The following RNPC3 variants were observed in gnomAD, a reference collection of about 807,000 sequenced individuals.
RNPC3 encodes RNA binding region (RNP1, RRM) containing 3.
Under a neutral mutation model 67.5 loss-of-function variants are expected in RNPC3, and 48 were observed. That is an observed-to-expected ratio of 0.71 (90% CI 0.56 to 0.90). The LOEUF is 0.90. Among genes scored for constraint, RNPC3 ranks in the 40% least tolerant of loss-of-function variants. The pLI, the probability that RNPC3 is intolerant of heterozygous loss-of-function variation, is 0.00. For missense variants in RNPC3, 637 were observed against 626.1 expected, an observed-to-expected ratio of 1.02 and a Z score of -0.19; for synonymous variants, 239 against 210.3, an observed-to-expected ratio of 1.14 and a Z score of -1.18.
intron 1 of RNPC3, among the ~76,000 whole-genome samples, chr1:103,526,496 G>A (rs1039156858): frequency 6.6e-6 from 1 of 152,194 alleles, no homozygotes; most frequent in African/African-American, 2.4e-5. Context: ...GAACGACAAA[G>A]CAGAAGAATG....
At chr1:103,549,261 G>A (rs1456835069) in intron 12 of RNPC3, among the ~76,000 whole-genome samples, 1 of 152,186 alleles carries the variant, frequency 6.6e-6, no homozygotes, top group Non-Finnish European at 1.5e-5. Flanking sequence ...GCTTTTGAGT[G>A]CAGATAAAAT....
intron 2 of RNPC3, among the ~76,000 whole-genome samples, chr1:103,532,839 G>A (rs1374866577): frequency 6.6e-6 from 1 of 152,086 alleles, no homozygotes; most frequent in Non-Finnish European, 1.5e-5. Flanking sequence ...AGCAGTCTCA[G>A]TAAACTTATT....
intron 14 of RNPC3, chr1:103,552,625 T>G (rs1651421858): frequency 6.6e-6 from 1 of 152,154 alleles, no homozygotes; most frequent in African/African-American, 2.4e-5. Context: ...CTGGGTGTGG[T>G]GGCGCCTACC....
intron 7 of RNPC3, among the ~76,000 whole-genome samples, chr1:103,538,314 A>C (rs1286727935): frequency 2.0e-5 from 3 of 152,138 alleles, no homozygotes; most frequent in Non-Finnish European, 1.5e-5. Flanking sequence ...TCTGTTCAGC[A>C]CTACCTTTTT....
At chr1:103,541,225 G>A (rs546416590) in intron 7 of RNPC3, 125 bp from the exon 8 acceptor site, 56 of 620,732 alleles carry the variant, frequency 9.0e-5, no homozygotes, top group Non-Finnish European at 1.3e-4. Context: ...TATATTTGAT[G>A]TAAGTAAATC....
chr1:103,551,994 G>T (rs1431537341), intron 14 of RNPC3: 10 of 387,114 alleles, frequency 2.6e-5, no homozygotes, highest in Non-Finnish European at 3.2e-5. Flanking sequence ...TAAGTTTGGA[G>T]AATGAATCTT....
chr1:103,537,442 A>G lies in RNPC3; in HGVS notation c.725A>G (p.Glu242Gly). Residue 242 changes from glutamate (E) to glycine (G), a missense_variant, in exon 7 of 15, where the codon GAA becomes GGA. This residue lies in a region of RNPC3 where 536 missense variants were observed against 500.3 expected (regional missense o/e 1.07). Coordinates refer to ENST00000423855, the MANE Select transcript of RNPC3 (RefSeq NM_017619.4). ...GACGAGGATGAGGAATTATCTAGTG[A>G]AGAATCAGAATATGAAAGCACTGAT... is the stretch of plus-strand genomic sequence containing the variant. ...LPDEDEELSS[E>G]ESEYESTDDE... 2 of 1,536,870 alleles carry G rather than the reference A, an allele frequency of 1.3e-6. No homozygotes were observed. The highest frequency in any genetic ancestry group is 8.7e-7 in the Non-Finnish European group (1 of 1,146,688).
intron 2 of RNPC3, 87 bp from the exon 3 acceptor site, chr1:103,533,650 CAA>C (rs61717825): frequency 0.087 from 50,565 of 581,342 alleles, 3 homozygotes; most frequent in Middle Eastern, 0.13. Context: ...ACAGCATTAG[CAA>C]AAAAAAAAAA....
intron 12 of RNPC3, among the ~76,000 whole-genome samples, chr1:103,549,130 A>G (rs1651319012): frequency 6.6e-6 from 1 of 152,178 alleles, no homozygotes; most frequent in Non-Finnish European, 1.5e-5. Context: ...GAGCCAAACC[A>G]TATCAGCTAA....
At chr1:103,534,062 G>A (rs1449741087) in intron 3 of RNPC3, among the ~76,000 whole-genome samples, 1 of 151,878 alleles carries the variant, frequency 6.6e-6, no homozygotes, top group East Asian at 1.9e-4. Flanking sequence ...TAATATTATG[G>A]GTTAATCATT....
At position 103,537,309 on chromosome 1, in the gene RNPC3, G is replaced by T. The variant is rs772555074; in HGVS notation, c.625-33G>T. On this transcript the variant is annotated intron_variant, in intron 6 of 14. Coordinates refer to ENST00000423855, the MANE Select transcript of RNPC3 (RefSeq NM_017619.4). ...GTTTGTTCTATAAATATTTTGGACT[G>T]CCATAGTATTTTTGTTTTATTCTTT... The T allele has an allele frequency of 2.7e-6, 4 of 1,455,320 alleles. No homozygotes were observed. The Middle Eastern group carries it at 7.3e-4, about 265-fold the overall frequency. The allele number at this position is 1,455,320 out of a possible 1,614,324, so 90.2% of individuals were successfully genotyped here.
chr1:103,553,613 T>G (rs1651453073), intron 14 of RNPC3: 2 of 152,238 alleles, frequency 1.3e-5, no homozygotes, highest in South Asian at 4.1e-4. Flanking sequence ...CAGTCTTGTT[T>G]CTTCTATTTG....
intron 14 of RNPC3, 120 bp downstream of exon 14, chr1:103,551,912 T>A: frequency 1.7e-6 from 1 of 572,330 alleles, no homozygotes; most frequent in Non-Finnish European, 3.0e-6. Flanking sequence ...AGGAAATACC[T>A]ATCTGTGCAG....
chr1:103,540,206 T>C (rs1651091752), intron 7 of RNPC3, among the ~76,000 whole-genome samples: 1 of 152,220 alleles, frequency 6.6e-6, no homozygotes, highest in Admixed American at 6.5e-5. Context: ...ACACAAACTT[T>C]ATTTCATGTA....
At chr1:103,533,627 C>T (rs1650913577) in intron 2 of RNPC3, 112 bp from the exon 3 acceptor site, 2 of 643,528 alleles carry the variant, frequency 3.1e-6, no homozygotes, top group Non-Finnish European at 5.4e-6. Flanking sequence ...AGGAAATAGT[C>T]AAGGAACTGT....
At position 103,533,767 on chromosome 1, in the gene RNPC3, T is replaced by G; in HGVS notation, c.269T>G (p.Leu90Arg). Reference protein sequence around the residue: ...KALTRLHQLKLLGHTLVVEFA... With the variant: ...KALTRLHQLKRLGHTLVVEFA... ...TTGACAAGACTCCATCAACTGAAAC[T>G]TTTAGGTCATACTTTAGTCGTTGAA... Residue 90 changes from leucine to arginine, a missense_variant, in exon 3 of 15, where the codon CTT (leucine) becomes CGT (arginine). Physicochemically the swap from Leu to Arg is moderately radical, Grantham distance 102. This residue lies in a region of RNPC3 where 536 missense variants were observed against 500.3 expected (regional missense o/e 1.07). Coordinates refer to ENST00000423855, the MANE Select transcript of RNPC3 (RefSeq NM_017619.4). The G allele has an allele frequency of 3.3e-6, 5 of 1,533,844 alleles. No homozygotes were observed. Among genetic ancestry groups the G allele is most frequent in the Non-Finnish European group, 4.4e-6 (5 of 1,144,378 alleles).
At position 103,533,804 on chromosome 1, in the gene RNPC3, G is replaced by A; in HGVS notation, c.306G>A (p.Glu102=). 1 of 1,533,944 alleles carries A rather than the reference G, an allele frequency of 6.5e-7. No individual in the cohort carries two copies. The highest frequency in any genetic ancestry group is 8.7e-7 in the Non-Finnish European group (1 of 1,145,162). Residue 102 remains glutamate, a synonymous_variant, in exon 3 of 15, where the codon GAG becomes GAA. Coordinates refer to ENST00000423855, the MANE Select transcript of RNPC3 (RefSeq NM_017619.4). The part of the protein sequence containing the change: ...GHTLVVEFAK[E]QDRVHSPCPT... The stretch of plus-strand genomic sequence containing the variant: ...CTTTAGTCGTTGAATTTGCAAAAGA[G>A]CAAGATCGAGTTCACTCCCCATGTC...
At position 103,550,949 on chromosome 1, in the gene RNPC3, T is replaced by C. The variant is rs200083986; in HGVS notation, c.1370T>C (p.Ile457Thr). 1,169 of 1,610,672 alleles carry C rather than the reference T, an allele frequency of 7.3e-4. 2 individuals carry two copies. Among genetic ancestry groups the C allele is most frequent in the Non-Finnish European group, 9.6e-4 (1,127 of 1,179,240 alleles). Residue 457 changes from isoleucine (I) to threonine (T), a missense_variant, in exon 13 of 15, where the codon ATA becomes ACA. Transcript: ENST00000423855. ...CTGTTTCTTCCTTCTAGGTTTGATA[T>C]ACGTTTGATGAAAGAAGGTCGTATG... Reference protein sequence around the residue: ...SSETQRIMFDIRLMKEGRMKG... With the variant: ...SSETQRIMFDTRLMKEGRMKG...
At chr1:103,526,381 C>A in intron 1 of RNPC3, 119 bp downstream of exon 1, 1 of 727,398 alleles carries the variant, frequency 1.4e-6, no homozygotes, top group Non-Finnish European at 2.2e-6. Flanking sequence ...GTGATGAGAG[C>A]TCCCCCATCC....
Sources: allele counts gnomAD v4.1 joint callset (sites outside exome capture counted in the v4.1 genomes callset), GRCh38; gene constraint gnomAD v4.1.1; regional missense constraint gnomAD v4.1.1; transcripts MANE v1.5; gene names NCBI Gene and HGNC (gene_info 2026-07-23, HGNC 2026-07-21).